The following VSTM1 variants were observed in gnomAD, a reference collection of about 807,000 sequenced individuals.
VSTM1 encodes the protein V-set and transmembrane domain containing 1.
Under a neutral mutation model 33.1 loss-of-function variants are expected in VSTM1, and 27 were observed. That is an observed-to-expected ratio of 0.82 (90% CI 0.60 to 1.12). The LOEUF (loss-of-function observed/expected upper bound fraction) is 1.12. VSTM1 is among the 50% of genes most tolerant of loss of function. The pLI, the probability that VSTM1 is intolerant of heterozygous loss-of-function variation, is 0.00. For missense variants in VSTM1, 304 were observed against 288.9 expected, an observed-to-expected ratio of 1.05 and a Z score of -0.38; for synonymous variants, 115 against 110.3, an observed-to-expected ratio of 1.04 and a Z score of -0.27.
chr19:54,049,991 A>ATTTTTT (rs11297678), intron 4 of VSTM1, among the ~76,000 whole-genome samples: 10 of 99,118 alleles, frequency 1.0e-4, no homozygotes, highest in African/African-American at 1.3e-4. Context: ...TAACTTTTTA[A>ATTTTTT]TTTTTTTTTT....
rs541901044 is a variant in VSTM1 at position 54,041,272 on chromosome 19, G to A, written c.592-192C>T. Among the ~76,000 whole-genome samples the A allele has an allele frequency of 1.4e-4, 21 of 151,908 alleles. No homozygotes were observed. The South Asian group carries it at 3.3e-3, about 24-fold the overall frequency. On this transcript the variant is annotated intron_variant, in intron 8 of 8. Coordinates refer to ENST00000338372, the MANE Select transcript of VSTM1 (RefSeq NM_198481.4). ...ATGCCTGTGACATCAATGGATCTGC[G>A]TAAGCCTTTTTTCATTTTTTTTAAA...
rs188174106 is a variant in VSTM1, at chr19:54,056,476, C to T, written c.355+1830G>A. Reference sequence around the variant, plus strand: ...CCTCAGGTGATCCACCCTCCTAGGCCTCCCAAAGTGCTAGGATTACAGGCA... The same window carrying T: ...CCTCAGGTGATCCACCCTCCTAGGCTTCCCAAAGTGCTAGGATTACAGGCA... On this transcript the variant is annotated intron_variant, in intron 3 of 8. Transcript: ENST00000338372. Among the ~76,000 whole-genome samples the T allele has an allele frequency of 8.9e-3, 1,236 of 139,404 alleles. 182 individuals carry two copies. The highest frequency in any genetic ancestry group is 0.032 in the African/African-American group (1,184 of 37,510). The allele number at this position is 139,404 out of a possible 152,430, so 91.5% of individuals were successfully genotyped here.
At chr19:54,045,271 T>A (rs1270015860) in intron 4 of VSTM1, among the ~76,000 whole-genome samples, 1 of 152,208 alleles carries the variant, frequency 6.6e-6, no homozygotes, top group Non-Finnish European at 1.5e-5. Flanking sequence ...CCTATCTATC[T>A]TTATCTGTCT....
At chr19:54,049,352 G>T (rs1004982010) in intron 4 of VSTM1, among the ~76,000 whole-genome samples, 2 of 152,128 alleles carry the variant, frequency 1.3e-5, no homozygotes, top group Non-Finnish European at 2.9e-5. Flanking sequence ...TGGGAAAGTG[G>T]GAAATGAGGA....
chr19:54,058,453 G>C lies in VSTM1; in HGVS notation c.208C>G (p.Gln70Glu). 1.9e-6 allele frequency: 3 copies of C among 1,614,094 alleles called. No homozygotes were observed. Among genetic ancestry groups the C allele is most frequent in the Non-Finnish European group, 2.5e-6 (3 of 1,180,032 alleles). ...TCGTTTTCTGCCGAGCTCTGTTCCTGCTTGTACCCAGAGTCGTTCACCTTG... is the reference window on the plus strand; with the variant it reads ...TCGTTTTCTGCCGAGCTCTGTTCCTCCTTGTACCCAGAGTCGTTCACCTTG... ...LRKVNDSGYK[Q>E]EQSSAENEAE... The change falls in exon 3 of 9, where the codon CAG becomes GAG. Residue 70 changes from glutamine to glutamate, a missense_variant. Physicochemically the swap from Gln to Glu is conservative, Grantham distance 29. Transcript: ENST00000338372.
chr19:54,056,209 CTT>C (rs879970929), intron 3 of VSTM1, among the ~76,000 whole-genome samples: 1 of 46,526 alleles, frequency 2.1e-5, no homozygotes, highest in Admixed American at 2.5e-4. Context: ...CTTTTCTTTT[CTT>C]TTCTTTTTTT....
intron 4 of VSTM1, among the ~76,000 whole-genome samples, chr19:54,050,797 T>C (rs1354463813): frequency 6.6e-6 from 1 of 151,352 alleles, no homozygotes; most frequent in Admixed American, 6.6e-5. Context: ...CTGGCCAACA[T>C]GGTGAAACCC....
At chr19:54,042,843 T>TAC (rs2070389724) in intron 4 of VSTM1, among the ~76,000 whole-genome samples, 1 of 128,872 alleles carries the variant, frequency 7.8e-6, no homozygotes, top group Non-Finnish European at 1.7e-5. Context: ...TATATACATA[T>TAC]ATATATATAT....
chr19:54,052,611 T>A (rs2070909138), intron 3 of VSTM1, among the ~76,000 whole-genome samples: 1 of 140,932 alleles, frequency 7.1e-6, no homozygotes, highest in African/African-American at 2.6e-5. Flanking sequence ...AGTTCTAAGA[T>A]GAAGAAGTTC....
chr19:54,063,883 G>A lies in VSTM1; in HGVS notation c.-106C>T. 7.9e-7 allele frequency: 1 copy of A among 1,260,546 alleles called. No individual in the cohort carries two copies. Among genetic ancestry groups the A allele is most frequent in the Middle Eastern group, 1.9e-4 (1 of 5,156 alleles). 78.1% of individuals were successfully genotyped at this position (1,260,546 alleles called of 1,614,324 possible). Reference sequence around the variant, plus strand: ...CTCCGGCTGCCCGGTTCGTCCCCAGGATGTGCAGATAGAGGAGGTTTTGCT... The same window carrying A: ...CTCCGGCTGCCCGGTTCGTCCCCAGAATGTGCAGATAGAGGAGGTTTTGCT... On this transcript the variant is annotated 5_prime_UTR_variant, in exon 1 of 9. Coordinates refer to ENST00000338372, the MANE Select transcript of VSTM1 (RefSeq NM_198481.4).
Position 54,041,005 on chromosome 19 carries a change from G to GGGT in VSTM1, c.664_666dup (p.Thr222dup). Reference sequence around the variant, plus strand: ...TATTCATGAGATCCTGGGGGCTCCTGGGTGGTGTCTGAAGCTGCCTCAGAC... The same window carrying GGGT: ...TATTCATGAGATCCTGGGGGCTCCTGGGTGGTGGTGTCTGAAGCTGCCTCAGAC... On this transcript the variant is annotated inframe_insertion, in exon 9 of 9. Transcript: ENST00000338372. 2.5e-6 allele frequency: 4 copies of GGGT among 1,610,586 alleles called. No homozygotes were observed. Among genetic ancestry groups the GGGT allele is most frequent in the Non-Finnish European group, 3.4e-6 (4 of 1,178,900 alleles).
chr19:54,061,193 T>G (rs1438171577), intron 1 of VSTM1, among the ~76,000 whole-genome samples: 1 of 151,828 alleles, frequency 6.6e-6, no homozygotes, highest in Admixed American at 6.6e-5. Flanking sequence ...AATTTTTGTA[T>G]TTTTAGTAGA....
At chr19:54,047,115 A>C (rs1310513939) in intron 4 of VSTM1, among the ~76,000 whole-genome samples, 2 of 151,956 alleles carry the variant, frequency 1.3e-5, no homozygotes, top group Non-Finnish European at 2.9e-5. Flanking sequence ...GAATCTCTTG[A>C]ACCTGGTAGG....
At chr19:54,041,640 AG>A (rs2070277060) in intron 8 of VSTM1, 138 bp downstream of exon 8, 3 of 965,530 alleles carry the variant, frequency 3.1e-6, no homozygotes, top group Non-Finnish European at 4.5e-6. Flanking sequence ...GGTTCCCATT[AG>A]GGGAGTTTCG....
Position 54,060,346 on chromosome 19 carries a change from G to C in VSTM1, c.35-1614C>G, listed in dbSNP as rs113688508. ...AACTTGGGTGGAAAATGGGATGTCAGTCATGGGGCTTGTTTCAGGGTGAAG... is the reference window on the plus strand; with the variant it reads ...AACTTGGGTGGAAAATGGGATGTCACTCATGGGGCTTGTTTCAGGGTGAAG... On this transcript the variant is annotated intron_variant, in intron 1 of 8. Transcript: ENST00000338372. Among the ~76,000 whole-genome samples, 759 of 152,274 alleles carry C rather than the reference G, an allele frequency of 5.0e-3. 7 individuals carry two copies. The highest frequency in any genetic ancestry group is 0.017 in the African/African-American group (726 of 41,574).
chr19:54,042,839 C>CATACAT (rs1555752704), intron 4 of VSTM1, among the ~76,000 whole-genome samples: 9 of 70,730 alleles, frequency 1.3e-4, no homozygotes, highest in Non-Finnish European at 2.0e-4. Context: ...TATATATATA[C>CATACAT]ATATATATAT....
At chr19:54,053,129 G>A (rs1382997219) in intron 3 of VSTM1, among the ~76,000 whole-genome samples, 2 of 141,190 alleles carry the variant, frequency 1.4e-5, no homozygotes, top group African/African-American at 2.6e-5. Flanking sequence ...GATCCTAGAT[G>A]CTCTAGGCCC....
chr19:54,058,826 G>GATATATAT (rs34846502), intron 1 of VSTM1, 94 bp from the exon 2 acceptor site: 10 of 599,270 alleles, frequency 1.7e-5, no homozygotes, highest in Non-Finnish European at 2.0e-5. Flanking sequence ...ATAGGTCTGA[G>GATATATAT]ATATATATAT....
chr19:54,063,567 C>A (rs1359416371), intron 1 of VSTM1, among the ~76,000 whole-genome samples, 177 bp downstream of exon 1: 1 of 152,136 alleles, frequency 6.6e-6, no homozygotes, highest in Admixed American at 6.6e-5. Context: ...GCGGCCTCCT[C>A]CTCGCTTGCA....
Sources: allele counts gnomAD v4.1 joint callset (sites outside exome capture counted in the v4.1 genomes callset), GRCh38; gene constraint gnomAD v4.1.1; transcripts MANE v1.5; gene names NCBI Gene and HGNC (gene_info 2026-07-23, HGNC 2026-07-21).